The following PLEKHG1 variants were observed in gnomAD, a reference collection of about 807,000 sequenced individuals.
The protein encoded by PLEKHG1 is pleckstrin homology domain-containing family G member 1.
PLEKHG1 carries 44 observed loss-of-function variants against 100.8 expected under a neutral mutation model. The observed-to-expected ratio is 0.44, with a 90% CI of 0.34 to 0.56. The LOEUF is 0.56. PLEKHG1 is among the 20% of genes least tolerant of loss of function. The pLI is 0.01. For missense variants in PLEKHG1, 1,545 were observed against 1,720.9 expected (o/e 0.90, Z 1.81); for synonymous variants, 640 against 662.5 (o/e 0.97, Z 0.52).
chr6:150,700,675 G>A (rs78936814), intron 3 of PLEKHG1, among the ~76,000 whole-genome samples: 7,012 of 152,140 alleles, frequency 0.046, 458 homozygotes, highest in African/African-American at 0.15. Context: ...AAATCTAACC[G>A]CCTGGGTTCA....
At chr6:150,741,324 G>C (rs1782844510) in intron 2 of PLEKHG1, among the ~76,000 whole-genome samples, 1 of 152,170 alleles carries the variant, frequency 6.6e-6, no homozygotes, top group Non-Finnish European at 1.5e-5. Context: ...CTGATGTCAG[G>C]TTGGGTTATT....
At chr6:150,773,907 G>GT (rs1208695843) in intron 3 of PLEKHG1, among the ~76,000 whole-genome samples, 7 of 151,932 alleles carry the variant, frequency 4.6e-5, no homozygotes, top group African/African-American at 7.2e-5. Flanking sequence ...TAACTTTTAT[G>GT]TTTTTTTAAA....
intron 3 of PLEKHG1, among the ~76,000 whole-genome samples, chr6:150,785,418 C>T (rs1429103872): frequency 6.6e-6 from 1 of 152,146 alleles, no homozygotes; most frequent in African/African-American, 2.4e-5. Context: ...TGAGAATGTT[C>T]TTTGACCCAT....
At chr6:150,661,926 G>T (rs1260346551) in intron 3 of PLEKHG1, among the ~76,000 whole-genome samples, 2 of 152,124 alleles carry the variant, frequency 1.3e-5, no homozygotes, top group African/African-American at 4.8e-5. Context: ...TTGTTTTGTG[G>T]CAAGAGCTTA....
intron 3 of PLEKHG1, among the ~76,000 whole-genome samples, chr6:150,668,188 C>T (rs1160382442): frequency 1.3e-5 from 2 of 152,152 alleles, no homozygotes; most frequent in Admixed American, 1.3e-4. Context: ...TTGTGCTTGC[C>T]AAAAGCAGAC....
At chr6:150,667,028 G>A (rs1230616557) in intron 3 of PLEKHG1, among the ~76,000 whole-genome samples, 1 of 152,106 alleles carries the variant, frequency 6.6e-6, no homozygotes, top group Non-Finnish European at 1.5e-5. Flanking sequence ...AAAGTGCTGG[G>A]ATTACAGGCG....
chr6:150,745,942 G>A (rs1424358159), intron 2 of PLEKHG1, among the ~76,000 whole-genome samples: 6 of 152,140 alleles, frequency 3.9e-5, no homozygotes, highest in African/African-American at 1.2e-4. Context: ...GGGAGAAAAA[G>A]ATTAAAAGAA....
chr6:150,766,038 C>G (rs1416774983), intron 2 of PLEKHG1, among the ~76,000 whole-genome samples: 1 of 152,168 alleles, frequency 6.6e-6, no homozygotes, highest in Non-Finnish European at 1.5e-5. Context: ...TTAGAGGAGG[C>G]TGCTCGTGTG....
At chr6:150,705,565 GA>G (rs1771667378) in intron 3 of PLEKHG1, among the ~76,000 whole-genome samples, 2 of 152,244 alleles carry the variant, frequency 1.3e-5, no homozygotes, top group African/African-American at 4.8e-5. Flanking sequence ...ACAAGCACGT[GA>G]CCTTGCAAAC....
At chr6:150,767,407 T>G (rs1372090202) in intron 2 of PLEKHG1, among the ~76,000 whole-genome samples, 1 of 152,152 alleles carries the variant, frequency 6.6e-6, no homozygotes, top group Non-Finnish European at 1.5e-5. Flanking sequence ...AAGCTTGTTT[T>G]GAAAAAAGGT....
exon 1 of PLEKHG1, chr6:150,721,195 G>GC: frequency 1.0e-6 from 1 of 983,850 alleles, no homozygotes; most frequent in Non-Finnish European, 1.2e-6. Context: ...CCTGAGTGGA[G>GC]CAGAGGTAGG....
intron 3 of PLEKHG1, among the ~76,000 whole-genome samples, chr6:150,694,431 G>A (rs181860732): frequency 5.9e-5 from 9 of 151,508 alleles, no homozygotes; most frequent in Admixed American, 2.6e-4. Context: ...TGGGCACGGC[G>A]GCTCACAGCT....
intron 3 of PLEKHG1, among the ~76,000 whole-genome samples, chr6:150,674,628 C>T (rs1230015644): frequency 0.014 from 704 of 51,510 alleles, 49 homozygotes; most frequent in South Asian, 0.037. Context: ...TTCTCTCTCT[C>T]CTCCCTCTCT....
chr6:150,828,178 G>A lies in PLEKHG1; in HGVS notation c.1471-2404G>A, dbSNP rs1262443661. 8 of 1,613,724 alleles carry A rather than the reference G, an allele frequency of 5.0e-6. No homozygotes were observed. The East Asian group carries it at 1.8e-4, about 36-fold the overall frequency. Reference sequence around the variant, plus strand: ...CCCACGATATTTGTTTACCTGGAAGGAGATATCAAGGCTCAGTTTATTGGT... The same window carrying A: ...CCCACGATATTTGTTTACCTGGAAGAAGATATCAAGGCTCAGTTTATTGGT... On this transcript the variant is annotated intron_variant, in intron 14 of 15. Transcript: ENST00000358517.
At position 150,776,792 on chromosome 6, in the gene PLEKHG1, C is replaced by T. The variant is rs1047257740; in HGVS notation, c.512+8054C>T. On this transcript the variant is annotated intron_variant, in intron 3 of 15. Transcript: ENST00000358517. The stretch of plus-strand genomic sequence containing the variant: ...CTGATGCAATCCTGGTGCACATGTG[C>T]GGTTGCACATTACTCACACTGTTGC... Among the ~76,000 whole-genome samples the T allele has an allele frequency of 5.3e-5, 8 of 150,834 alleles. No individual in the cohort carries two copies. In the East Asian group the frequency reaches 5.9e-4, roughly 11 times the overall value.
chr6:150,662,936 A>G (rs1205362514), intron 3 of PLEKHG1: 7 of 152,206 alleles, frequency 4.6e-5, no homozygotes, highest in Non-Finnish European at 1.0e-4. Flanking sequence ...GAGCTTTTCT[A>G]TCTGAAGAAC....
intron 3 of PLEKHG1, among the ~76,000 whole-genome samples, chr6:150,681,490 G>A (rs926817062): frequency 7.3e-4 from 107 of 147,374 alleles, no homozygotes; most frequent in African/African-American, 2.5e-3. Flanking sequence ...GCGACAGAGC[G>A]TGACTCTGTC....
At chr6:150,623,390 T>G (rs1777385860) in intron 1 of PLEKHG1, among the ~76,000 whole-genome samples, 1 of 152,236 alleles carries the variant, frequency 6.6e-6, no homozygotes, top group Non-Finnish European at 1.5e-5. Context: ...CAGCACCCTT[T>G]TAACGGGCAA....
At chr6:150,619,568 A>T (rs1030854803) in intron 1 of PLEKHG1, among the ~76,000 whole-genome samples, 1 of 152,084 alleles carries the variant, frequency 6.6e-6, no homozygotes. Context: ...CCTGATACCC[A>T]CTGAGATGCT....
Sources: allele counts gnomAD v4.1 joint callset (sites outside exome capture counted in the v4.1 genomes callset), GRCh38; gene constraint gnomAD v4.1.1; transcripts MANE v1.5; gene names NCBI Gene and HGNC (gene_info 2026-07-23, HGNC 2026-07-21).